Variants in SYNPR observed in about 807,000 individuals in gnomAD.
SYNPR encodes synaptoporin.
SYNPR carries 23 observed loss-of-function variants against 32.9 expected under a neutral mutation model. That is an observed-to-expected ratio of 0.70 (90% confidence interval 0.50 to 0.99). The LOEUF is 0.99. Ranked by LOEUF, SYNPR falls within the 50% of genes least tolerant of loss-of-function variation. The pLI is 0.00. For missense variants in SYNPR, 318 were observed against 349.3 expected (o/e 0.91, Z 0.71); for synonymous variants, 146 against 135.9 (o/e 1.07, Z -0.52).
intron 2 of SYNPR, among the ~76,000 whole-genome samples, chr3:63,448,616 T>C (rs574034404): frequency 6.6e-6 from 1 of 152,300 alleles, no homozygotes; most frequent in South Asian, 2.1e-4. Context: ...GAAAAACATT[T>C]TTTTTTAATT....
intron 2 of SYNPR, among the ~76,000 whole-genome samples, chr3:63,255,174 A>G (rs6781712): frequency 0.84 from 127,332 of 152,082 alleles, 53,927 homozygotes; most frequent in African/African-American, 0.91. Flanking sequence ...TCTCCTGGGG[A>G]GGCGGTCAAA....
chr3:63,218,360 G>A, the SYNPR span, among the ~76,000 whole-genome samples: 1 of 152,220 alleles, frequency 6.6e-6, no homozygotes, highest in Non-Finnish European at 1.5e-5. Flanking sequence ...GATGAAGGGA[G>A]TAGTTAAGGT....
intron 4 of SYNPR, among the ~76,000 whole-genome samples, chr3:63,596,664 A>G (rs985470539): frequency 2.0e-5 from 3 of 152,048 alleles, no homozygotes; most frequent in African/African-American, 7.2e-5. Flanking sequence ...CAACTATGGG[A>G]CTCTACAGGC....
intron 3 of SYNPR, among the ~76,000 whole-genome samples, chr3:63,540,930 A>ACACACACACACACACACACACACAC (rs1553644965): frequency 4.1e-5 from 5 of 122,854 alleles, no homozygotes; most frequent in Admixed American, 3.5e-4. Flanking sequence ...TCCCCCCCCC[A>ACACACACACACACACACACACACAC]ACACACACAC....
At chr3:63,481,768 AT>A (rs1701052939) in intron 3 of SYNPR, among the ~76,000 whole-genome samples, 1 of 152,102 alleles carries the variant, frequency 6.6e-6, no homozygotes, top group Admixed American at 6.6e-5. Flanking sequence ...GGACCAACCC[AT>A]TGGCTTCTGG....
chr3:63,298,397 A>C (rs1215758405), intron 2 of SYNPR, among the ~76,000 whole-genome samples: 1 of 152,152 alleles, frequency 6.6e-6, no homozygotes, highest in Non-Finnish European at 1.5e-5. Flanking sequence ...CCTAAGTTAA[A>C]AGCACCGATG....
chr3:63,609,927 A>C (rs1700175197), intron 5 of SYNPR, among the ~76,000 whole-genome samples: 1 of 152,154 alleles, frequency 6.6e-6, no homozygotes, highest in African/African-American at 2.4e-5. Flanking sequence ...AAAACAAAAA[A>C]ACCTGAACTT....
At chr3:63,468,376 G>A (rs979504196) in intron 2 of SYNPR, among the ~76,000 whole-genome samples, 3 of 151,920 alleles carry the variant, frequency 2.0e-5, no homozygotes, top group Non-Finnish European at 4.4e-5. Flanking sequence ...ATAATAAATG[G>A]TCCTATGAAT....
At chr3:63,375,092 G>C (rs1320117610) in intron 2 of SYNPR, among the ~76,000 whole-genome samples, 1 of 152,190 alleles carries the variant, frequency 6.6e-6, no homozygotes, top group African/African-American at 2.4e-5. Flanking sequence ...AGAGGATGCA[G>C]AGAAATAGGA....
intron 1 of SYNPR, among the ~76,000 whole-genome samples, chr3:63,238,619 G>T (rs766687237): frequency 6.6e-6 from 1 of 151,984 alleles, no homozygotes; most frequent in Non-Finnish European, 1.5e-5. Flanking sequence ...AAATTTTCAC[G>T]GTTTTCTTAG....
chr3:63,362,822 C>T (rs2087678676), intron 2 of SYNPR, among the ~76,000 whole-genome samples: 1 of 152,146 alleles, frequency 6.6e-6, no homozygotes, highest in Non-Finnish European at 1.5e-5. Context: ...TCCTACTTTC[C>T]AAAATCTGTT....
At chr3:63,253,647 C>G (rs1297164166) in intron 2 of SYNPR, among the ~76,000 whole-genome samples, 2 of 152,098 alleles carry the variant, frequency 1.3e-5, no homozygotes, top group Admixed American at 6.5e-5. Context: ...GAATGGCGAT[C>G]ATTAAAAAGT....
the SYNPR span, among the ~76,000 whole-genome samples, chr3:63,222,011 A>T: frequency 5.3e-5 from 3 of 56,410 alleles, no homozygotes; most frequent in Non-Finnish European, 1.0e-4. Context: ...GCCATGCTCA[A>T]TTTTTTTTTT....
chr3:63,537,800 T>C (rs1012326390), intron 3 of SYNPR, among the ~76,000 whole-genome samples: 3 of 152,132 alleles, frequency 2.0e-5, no homozygotes, highest in African/African-American at 7.2e-5. Context: ...TGTGAGCTTT[T>C]AAGTCAGTCC....
At chr3:63,321,768 C>A (rs1405312388) in intron 2 of SYNPR, among the ~76,000 whole-genome samples, 1 of 152,044 alleles carries the variant, frequency 6.6e-6, no homozygotes, top group Non-Finnish European at 1.5e-5. Context: ...TTTACAAACA[C>A]CTCTCCACAT....
At chr3:63,549,387 A>AGGCAGGTATGCG (rs1702463272) in intron 3 of SYNPR, among the ~76,000 whole-genome samples, 2 of 152,272 alleles carry the variant, frequency 1.3e-5, no homozygotes, top group South Asian at 4.1e-4. Flanking sequence ...TAAAGAAGAG[A>AGGCAGGTATGCG]GGCAGGTATG....
At chr3:63,325,963 C>A (rs2087161933) in intron 2 of SYNPR, among the ~76,000 whole-genome samples, 1 of 151,930 alleles carries the variant, frequency 6.6e-6, no homozygotes, top group South Asian at 2.1e-4. Context: ...CCTGCATGTC[C>A]AAGATAGAAC....
intron 3 of SYNPR, among the ~76,000 whole-genome samples, chr3:63,534,192 T>C (rs766060045): frequency 1.3e-5 from 2 of 152,004 alleles, no homozygotes; most frequent in Non-Finnish European, 2.9e-5. Flanking sequence ...TGTTTTCTAA[T>C]AGAAAAAAAA....
chr3:63,219,820 C>CT, the SYNPR span, among the ~76,000 whole-genome samples: 1 of 152,122 alleles, frequency 6.6e-6, no homozygotes, highest in Non-Finnish European at 1.5e-5. Flanking sequence ...AGGCGTTTGT[C>CT]TTTCTTTTCC....
Sources: allele counts gnomAD v4.1 joint callset (sites outside exome capture counted in the v4.1 genomes callset), GRCh38; gene constraint gnomAD v4.1.1; transcripts MANE v1.5; gene names NCBI Gene and HGNC (gene_info 2026-07-23, HGNC 2026-07-21).